FOXA2: variants seen among roughly 807,000 people sequenced by gnomAD.
FOXA2 encodes hepatocyte nuclear factor 3-beta.
In FOXA2, 9 loss-of-function variants were observed where a neutral mutation model predicts 33.3. That is an observed-to-expected ratio of 0.27 (90% CI 0.16 to 0.47). The LOEUF (loss-of-function observed/expected upper bound fraction) is 0.47. Ranked by LOEUF, FOXA2 falls within the 20% of genes least tolerant of loss-of-function variation. FOXA2 has a pLI of 0.99. For missense variants in FOXA2, 704 were observed against 659.9 expected (o/e 1.07, Z -0.73); for synonymous variants, 329 against 289.4 (o/e 1.14, Z -1.39).
In FOXA2 at chr20:22,584,389, C is replaced by G; in HGVS notation, c.-111G>C. 1.2e-6 allele frequency: 1 copy of G among 849,390 alleles called. No homozygotes were observed. 52.6% of individuals were successfully genotyped at this position (849,390 alleles called of 1,614,324 possible). Reference sequence around the variant, plus strand: ...ACCGTCCCCTCCTCCCTCCCTCTCTCGCGCTCCCTCTCCCTGGGCTCCACT... The same window carrying G: ...ACCGTCCCCTCCTCCCTCCCTCTCTGGCGCTCCCTCTCCCTGGGCTCCACT... On this transcript the variant is annotated 5_prime_UTR_variant, in exon 1 of 2. Transcript: ENST00000419308.
rs1050933049 is a variant in FOXA2 at position 22,584,312 on chromosome 20, C to A, written c.-34G>T. 1.3e-6 allele frequency: 2 copies of A among 1,560,792 alleles called. No homozygotes were observed. Among genetic ancestry groups the A allele is most frequent in the Non-Finnish European group, 1.8e-6 (2 of 1,133,586 alleles). On this transcript the variant is annotated 5_prime_UTR_variant, in exon 1 of 2. Transcript: ENST00000419308. ...AAAATTTAACAGCCACAACAAACGA[C>A]CAGCAATCACCCCCCACCCCCACCC...
chr20:22,582,636 G>A lies in FOXA2; in HGVS notation c.606C>T (p.Tyr202=). The A allele has an allele frequency of 1.2e-6, 2 of 1,614,184 alleles. No homozygotes were observed. The highest frequency in any genetic ancestry group is 1.7e-6 in the Non-Finnish European group (2 of 1,180,018). ...TCTGCCAGCGCTGCTGGTTCTGCCGGTAGAAGGGGAAGAGGTCCATGATCC... is the reference window on the plus strand; with the variant it reads ...TCTGCCAGCGCTGCTGGTTCTGCCGATAGAAGGGGAAGAGGTCCATGATCC... ...YQWIMDLFPF[Y]RQNQQRWQNS... is the part of the protein sequence containing the mutation. The change falls in exon 2 of 2, where the codon TAC becomes TAT. Residue 202 remains tyrosine, a synonymous_variant. Transcript: ENST00000419308.
In FOXA2 at chr20:22,583,175, G is replaced by C. The variant is rs968463655; in HGVS notation, c.88-21C>G. The C allele has an allele frequency of 5.6e-6, 9 of 1,599,196 alleles. No individual in the cohort carries two copies. The South Asian group carries it at 6.6e-5, about 12-fold the overall frequency. ...TAGCCCTGCGGACAGAGCCCCGGGA[G>C]GGAGGCGACAGCGTTAGCACCGCGG... On this transcript the variant is annotated intron_variant, in intron 1 of 1. Coordinates refer to ENST00000419308, the MANE Select transcript of FOXA2 (RefSeq NM_021784.5).
At position 22,582,672 on chromosome 20, in the gene FOXA2, C is replaced by T. The variant is rs759791855; in HGVS notation, c.570G>A (p.Glu190=). 3.1e-6 allele frequency: 5 copies of T among 1,614,158 alleles called. No homozygotes were observed. In the South Asian group the frequency reaches 5.5e-5, roughly 18 times the overall value. Residue 190 remains glutamate (E), a synonymous_variant, in exon 2 of 2, where the codon GAG becomes GAA. Transcript: ENST00000419308. ...AGAGGTCCATGATCCACTGGTAGAT[C>T]TCGCTCAGCGTCAGCATCTTGTTGG... ...QSPNKMLTLS[E]IYQWIMDLFP...
In FOXA2 at chr20:22,583,776, A is replaced by C. The variant is rs566947189; in HGVS notation, c.87+416T>G. Among the ~76,000 whole-genome samples the C allele has an allele frequency of 2.6e-5, 4 of 152,082 alleles. No individual in the cohort carries two copies. The South Asian group carries it at 6.2e-4, about 24-fold the overall frequency. On this transcript the variant is annotated intron_variant, in intron 1 of 1. Transcript: ENST00000419308. ...CACGCGGCTGAGCTTTGCAGGCAAA[A>C]ACTTTCTTTCTCTTTGTCCACTAGT...
chr20:22,582,292 CA>C lies in FOXA2; in HGVS notation c.949del (p.Cys317AlafsTer12), dbSNP rs1280713266. ...TESPHSSASP[C>X]QEHKRGGLGE... ...CAGGCCCCCTCGCTTGTGCTCCTGG[CA>C]CGGGGAGGCGCTCGAGTGAGGCGAC... On this transcript the variant is annotated frameshift_variant, in exon 2 of 2. Transcript: ENST00000419308. LOFTEE classifies it high-confidence loss of function. 1 of 1,469,164 alleles carries C rather than the reference CA, an allele frequency of 6.8e-7. No individual in the cohort carries two copies. The highest frequency in any genetic ancestry group is 8.9e-7 in the Non-Finnish European group (1 of 1,119,834). 91.0% of individuals were successfully genotyped at this position (1,469,164 alleles called of 1,614,324 possible). A position where few individuals can be genotyped will look rare whatever the true frequency, so the allele number is the denominator to read the frequency against.
Position 22,583,173 on chromosome 20 carries a change from G to A in FOXA2, c.88-19C>T, listed in dbSNP as rs1227798851. ...AGTAGCCCTGCGGACAGAGCCCCGG[G>A]AGGGAGGCGACAGCGTTAGCACCGC... On this transcript the variant is annotated intron_variant, in intron 1 of 1. Transcript: ENST00000419308. 6.3e-7 allele frequency: 1 copy of A among 1,599,142 alleles called. No individual in the cohort carries two copies. Among genetic ancestry groups the A allele is most frequent in the African/African-American group, 1.3e-5 (1 of 74,924 alleles).
rs1009112265 is a variant in FOXA2 at position 22,581,243 on chromosome 20, T to C, written c.*607A>G. The stretch of plus-strand genomic sequence containing the variant: ...GGAACTCTGGCCCTTGCAGCCAGAA[T>C]ACACATTTATAAGCCATAAATAAAG... On this transcript the variant is annotated 3_prime_UTR_variant, in exon 2 of 2. Transcript: ENST00000419308. 6.5e-6 allele frequency: 1 copy of C among 152,678 alleles called. No individual in the cohort carries two copies. The highest frequency in any genetic ancestry group is 1.5e-5 in the Non-Finnish European group (1 of 68,078). 9.5% of individuals were successfully genotyped at this position (152,678 alleles called of 1,614,324 possible).
Position 22,582,381 on chromosome 20 carries a change from C to T in FOXA2, c.861G>A (p.Gln287=), listed in dbSNP as rs764471884. Residue 287 remains glutamine, a synonymous_variant, in exon 2 of 2, where the codon CAG becomes CAA. Coordinates refer to ENST00000419308, the MANE Select transcript of FOXA2 (RefSeq NM_021784.5). The part of the protein sequence containing the change: ...GSGKKAAAGA[Q]ASQAQLGEAA... ...CCTCCCCGAGTTGAGCCTGTGAGGCCTGGGCTCCGGCGGCCGCCTTCTTGC... is the reference window on the plus strand; with the variant it reads ...CCTCCCCGAGTTGAGCCTGTGAGGCTTGGGCTCCGGCGGCCGCCTTCTTGC... 18 of 1,535,394 alleles carry T rather than the reference C, an allele frequency of 1.2e-5. No individual in the cohort carries two copies. The South Asian group carries it at 2.0e-4, about 17-fold the overall frequency.
At position 22,582,346 on chromosome 20, in the gene FOXA2, G is replaced by A. The variant is rs1195348464; in HGVS notation, c.896C>T (p.Pro299Leu). ...GGTGCCCGCCGGAGTCTCGGAGGCC[G>A]GCCCGGCGGCCTCCCCGAGTTGAGC... ...SQAQLGEAAG[P>L]ASETPAGTES... is the part of the protein sequence containing the mutation. Residue 299 changes from proline to leucine, a missense_variant, in exon 2 of 2, where the codon CCG (proline) becomes CTG (leucine). By Grantham distance (98) the Pro-to-Leu change is moderately conservative. Around this residue, in one of 5 missense-constraint regions of FOXA2, gnomAD observed 343 missense variants for 274.8 expected, o/e 1.25. Coordinates refer to ENST00000419308, the MANE Select transcript of FOXA2 (RefSeq NM_021784.5). 4.7e-6 allele frequency: 7 copies of A among 1,478,872 alleles called. No homozygotes were observed. The highest frequency in any genetic ancestry group is 6.2e-6 in the Non-Finnish European group (7 of 1,123,898). 91.6% of individuals were successfully genotyped at this position (1,478,872 alleles called of 1,614,324 possible). A position where few individuals can be genotyped will look rare whatever the true frequency, so the allele number is the denominator to read the frequency against.
chr20:22,584,366 C>A lies in FOXA2; in HGVS notation c.-88G>T, dbSNP rs1422163898. 8.5e-6 allele frequency: 9 copies of A among 1,059,578 alleles called. No homozygotes were observed. The highest frequency in any genetic ancestry group is 3.1e-5 in the African/African-American group (2 of 63,550). 65.6% of individuals were successfully genotyped at this position (1,059,578 alleles called of 1,614,324 possible). A position where few individuals can be genotyped will look rare whatever the true frequency, so the allele number is the denominator to read the frequency against. The stretch of plus-strand genomic sequence containing the variant: ...TTTAAAAAAAAGTCAGCCAAAGCAC[C>A]GTCCCCTCCTCCCTCCCTCTCTCGC... On this transcript the variant is annotated 5_prime_UTR_variant, in exon 1 of 2. Coordinates refer to ENST00000419308, the MANE Select transcript of FOXA2 (RefSeq NM_021784.5).
chr20:22,581,628 T>C lies in FOXA2; in HGVS notation c.*222A>G, dbSNP rs528572074. 2.0e-6 allele frequency: 1 copy of C among 489,416 alleles called. No individual in the cohort carries two copies. The highest frequency in any genetic ancestry group is 3.6e-6 in the Non-Finnish European group (1 of 277,340). 30.3% of individuals were successfully genotyped at this position (489,416 alleles called of 1,614,324 possible). A position where few individuals can be genotyped will look rare whatever the true frequency, so the allele number is the denominator to read the frequency against. On this transcript the variant is annotated 3_prime_UTR_variant, in exon 2 of 2. Transcript: ENST00000419308. ...ATATTCTTTCCCGTTTTCCTCCTTA[T>C]ATAGAACGTGGGGTATCTGTGTGGC...
rs1258653206 is a variant in FOXA2, at chr20:22,583,062, G to T, written c.180C>A (p.Gly60=). ...MSMSAAAMGS[G]SGNMSAGSMN... ...TGGAGCCCGCGCTCATGTTGCCCGA[G>T]CCGCTGCCCATGGCGGCCGCCGACA... Residue 60 remains glycine (G), a synonymous_variant, in exon 2 of 2, where the codon GGC becomes GGA. Transcript: ENST00000419308. The T allele has an allele frequency of 1.9e-6, 3 of 1,610,078 alleles. No individual in the cohort carries two copies. Among genetic ancestry groups the T allele is most frequent in the Non-Finnish European group, 2.5e-6 (3 of 1,179,854 alleles).
upstream of FOXA2, among the ~76,000 whole-genome samples, chr20:22,584,677 G>GAGA (rs1441319618): frequency 6.3e-4 from 85 of 135,128 alleles, 1 homozygote; most frequent in African/African-American, 1.7e-3. Flanking sequence ...GGTGGTGGAG[G>GAGA]AGGAGGAGGA....
In FOXA2 at chr20:22,584,172, T is replaced by A; in HGVS notation, c.87+20A>T. 1 of 1,611,700 alleles carries A rather than the reference T, an allele frequency of 6.2e-7. No individual in the cohort carries two copies. Among genetic ancestry groups the A allele is most frequent in the Non-Finnish European group, 8.5e-7 (1 of 1,178,764 alleles). ...CGAGCGCCGCCGCTCCACTTCCCCCTGGAAAAGACGAGCGCTTACCTCGGG... is the reference window on the plus strand; with the variant it reads ...CGAGCGCCGCCGCTCCACTTCCCCCAGGAAAAGACGAGCGCTTACCTCGGG... On this transcript the variant is annotated intron_variant, in intron 1 of 1. Transcript: ENST00000419308.
Position 22,583,143 on chromosome 20 carries a change from G to A in FOXA2, c.99C>T (p.Ser33=). 6.2e-7 allele frequency: 1 copy of A among 1,602,168 alleles called. No homozygotes were observed. Among genetic ancestry groups the A allele is most frequent in the Non-Finnish European group, 8.5e-7 (1 of 1,179,780 alleles). Reference sequence around the variant, plus strand: ...CCAGGCCGGCGTTCATGTTGCTCACGGAGGAGTAGCCCTGCGGACAGAGCC... The same window carrying A: ...CCAGGCCGGCGTTCATGTTGCTCACAGAGGAGTAGCCCTGCGGACAGAGCC... ...SYYAEPEGYS[S]VSNMNAGLGM... The change falls in exon 2 of 2, where the codon TCC becomes TCT. Residue 33 remains serine (S), a synonymous_variant. Coordinates refer to ENST00000419308, the MANE Select transcript of FOXA2 (RefSeq NM_021784.5).
intron 1 of FOXA2, among the ~76,000 whole-genome samples, chr20:22,583,888 C>T (rs942672429): frequency 2.6e-5 from 4 of 152,188 alleles, no homozygotes; most frequent in African/African-American, 7.2e-5. Flanking sequence ...GACCTCCCAC[C>T]CCTCCCCAGC....
rs979439753 is a variant in FOXA2, at chr20:22,582,181, T to C, written c.1061A>G (p.His354Arg). The C allele has an allele frequency of 6.4e-7, 1 of 1,553,882 alleles. No individual in the cohort carries two copies. The highest frequency in any genetic ancestry group is 1.4e-5 in the African/African-American group (1 of 73,344). The change falls in exon 2 of 2, where the codon CAC (histidine) becomes CGC (arginine). Residue 354 changes from histidine to arginine, a missense_variant. Coordinates refer to ENST00000419308, the MANE Select transcript of FOXA2 (RefSeq NM_021784.5). ...CGGGTGGTGGGGCGGGCCCAGCAGG[T>C]GGGCCGCGGCCTGCTGCTGCTGCCC... is the stretch of plus-strand genomic sequence containing the variant. ...SPGQQQQAAAHLLGPPHHPGL... is the reference protein window; with the variant it reads ...SPGQQQQAAARLLGPPHHPGL...
In FOXA2 at chr20:22,581,862, C is replaced by T. The variant is rs1392433165; in HGVS notation, c.1380G>A (p.Met460Ile). ...YYQGVYSRPI[M>I]NSS The stretch of plus-strand genomic sequence containing the variant: ...AGCCGTCGTCTTCTTAAGAGGAGTT[C>T]ATAATGGGCCGGGAGTACACCCCCT... The change falls in exon 2 of 2, where the codon ATG becomes ATA. Residue 460 changes from methionine to isoleucine, a missense_variant. Physicochemically the swap from Met to Ile is conservative, Grantham distance 10. Transcript: ENST00000419308. The T allele has an allele frequency of 6.2e-6, 10 of 1,607,566 alleles. No homozygotes were observed. Among genetic ancestry groups the T allele is most frequent in the Non-Finnish European group, 8.5e-6 (10 of 1,174,790 alleles).
Sources: gnomAD v4.1 joint callset for allele counts (sites outside exome capture counted in the v4.1 genomes callset) on GRCh38, gnomAD v4.1.1 for gene constraint, gnomAD v4.1.1 regional missense constraint, MANE v1.5 for transcripts, NCBI Gene and HGNC (gene_info 2026-07-23, HGNC 2026-07-21) for gene names.